The following AFF1 variants were observed in gnomAD, a reference collection of about 807,000 sequenced individuals.
AFF1 encodes ALF transcription elongation factor 1, also known as AF4/FMR2 family member 1.
In AFF1, 48 loss-of-function variants were observed where a neutral mutation model predicts 121.7. The observed-to-expected ratio is 0.39, with a 90% CI of 0.31 to 0.50. AFF1 has a LOEUF of 0.50. AFF1 is among the 20% of genes least tolerant of loss of function. AFF1 has a pLI of 0.76. For missense variants in AFF1, 1,523 were observed against 1,511.7 expected, an observed-to-expected ratio of 1.01 and a Z score of -0.12; for synonymous variants, 613 against 563.0, an observed-to-expected ratio of 1.09 and a Z score of -1.26.
chr4:87,076,906 G>GTGTCT (rs976403753), intron 4 of AFF1, among the ~76,000 whole-genome samples: 7 of 152,168 alleles, frequency 4.6e-5, no homozygotes, highest in African/African-American at 1.4e-4. Flanking sequence ...AATTTACTCT[G>GTGTCT]TGTCTATAGA....
chr4:87,108,355 G>C (rs1013145072), intron 11 of AFF1, 40 bp downstream of exon 11: 1 of 1,598,462 alleles, frequency 6.3e-7, no homozygotes, highest in Non-Finnish European at 8.5e-7. Context: ...TTAGATGGCA[G>C]CATTCTGTCC....
At position 87,105,571 on chromosome 4, in the gene AFF1, A is replaced by G. The variant is rs903237855; in HGVS notation, c.1284-57A>G. On this transcript the variant is annotated intron_variant, in intron 8 of 20. Coordinates refer to ENST00000395146, the MANE Select transcript of AFF1 (RefSeq NM_001166693.3). Reference sequence around the variant, plus strand: ...GGCATATTTTCTATTTACATGCTAGAAAAGTTGTTAGAAATCATTTCACAT... The same window carrying G: ...GGCATATTTTCTATTTACATGCTAGGAAAGTTGTTAGAAATCATTTCACAT... The G allele has an allele frequency of 1.9e-6, 3 of 1,598,092 alleles. No homozygotes were observed. The African/African-American group carries it at 4.0e-5, about 21-fold the overall frequency.
At chr4:87,015,073 A>G (rs1362111033) in intron 2 of AFF1, among the ~76,000 whole-genome samples, 1 of 152,146 alleles carries the variant, frequency 6.6e-6, no homozygotes, top group African/African-American at 2.4e-5. Flanking sequence ...AGAACGTGTT[A>G]TTGAGTTAAT....
At chr4:86,955,566 T>C (rs1721677104) in intron 2 of AFF1, among the ~76,000 whole-genome samples, 1 of 152,210 alleles carries the variant, frequency 6.6e-6, no homozygotes. Flanking sequence ...AATTACATTC[T>C]TCTGAAATTG....
intron 4 of AFF1, among the ~76,000 whole-genome samples, chr4:87,059,037 T>C (rs1720453981): frequency 6.6e-6 from 1 of 152,194 alleles, no homozygotes; most frequent in South Asian, 2.1e-4. Flanking sequence ...CTTAATCTCC[T>C]TTGGAGGCTG....
At chr4:86,986,016 C>G (rs1724230778) in intron 2 of AFF1, among the ~76,000 whole-genome samples, 2 of 146,122 alleles carry the variant, frequency 1.4e-5, no homozygotes, top group African/African-American at 2.5e-5. Context: ...CACCTGAATC[C>G]TTTTTTTAAA....
intron 16 of AFF1, among the ~76,000 whole-genome samples, chr4:87,129,927 C>T (rs1276318083): frequency 6.6e-6 from 1 of 152,124 alleles, no homozygotes; most frequent in East Asian, 1.9e-4. Context: ...GTCTCCAGCT[C>T]CTTGTATTCC....
intron 4 of AFF1, among the ~76,000 whole-genome samples, chr4:87,077,434 T>G (rs1722780566): frequency 6.6e-6 from 1 of 152,322 alleles, no homozygotes; most frequent in East Asian, 1.9e-4. Flanking sequence ...AATAGAAAAT[T>G]TAGCTGTACT....
At chr4:87,048,956 A>G (rs77100602) in intron 4 of AFF1, among the ~76,000 whole-genome samples, 2 of 152,082 alleles carry the variant, frequency 1.3e-5, no homozygotes, top group African/African-American at 4.8e-5. Flanking sequence ...TGAAGGCAAA[A>G]TAAAGTGAGA....
chr4:86,964,103 C>T (rs1231209381), intron 2 of AFF1, among the ~76,000 whole-genome samples: 1 of 150,788 alleles, frequency 6.6e-6, no homozygotes, highest in Non-Finnish European at 1.5e-5. Context: ...CAGGCATGAA[C>T]CACCATGCCT....
At chr4:87,085,434 T>C (rs752611216) in intron 5 of AFF1, among the ~76,000 whole-genome samples, 7 of 151,814 alleles carry the variant, frequency 4.6e-5, no homozygotes, top group African/African-American at 2.4e-5. Flanking sequence ...TCTGACTTTT[T>C]TCTTCTTTTT....
In AFF1 at chr4:87,013,032, CTT is replaced by C. The variant is rs61071328; in HGVS notation, c.39-33109_39-33108del. 3.2e-3 allele frequency among the ~76,000 whole-genome samples: 298 copies of C among 93,388 alleles called. 1 individual carries two copies. The highest frequency in any genetic ancestry group is 8.1e-3 in the South Asian group (17 of 2,106). 61.3% of individuals were successfully genotyped at this position (93,388 alleles called of 152,430 possible). A position where few individuals can be genotyped will look rare whatever the true frequency, so the allele number is the denominator to read the frequency against. Reference sequence around the variant, plus strand: ...AACCAGATTGAACTGCTATCAAGTTCTTTTTTTTTTTTTTTTTTTTTTTTTTG... The same window carrying C: ...AACCAGATTGAACTGCTATCAAGTTCTTTTTTTTTTTTTTTTTTTTTTTTG... On this transcript the variant is annotated intron_variant, in intron 2 of 20. Transcript: ENST00000395146.
At chr4:86,958,922 A>G (rs1050090170) in intron 2 of AFF1, among the ~76,000 whole-genome samples, 2 of 152,180 alleles carry the variant, frequency 1.3e-5, no homozygotes, top group African/African-American at 2.4e-5. Flanking sequence ...TTTGTTTCCT[A>G]TTAATGCGTT....
In AFF1 at chr4:87,133,711, C is replaced by T. The variant is rs143015104; in HGVS notation, c.3312-760C>T. Among the ~76,000 whole-genome samples, 36 of 152,320 alleles carry T rather than the reference C, an allele frequency of 2.4e-4. No individual in the cohort carries two copies. In the East Asian group the frequency reaches 6.9e-3, roughly 29 times the overall value. On this transcript the variant is annotated intron_variant, in intron 19 of 20. Coordinates refer to ENST00000395146, the MANE Select transcript of AFF1 (RefSeq NM_001166693.3). ...TGTACATTCTGCTAGGTCCGTGCAG[C>T]CCAAACGGCAGGTGTAACATCATGA...
At chr4:87,016,145 C>T (rs917833670) in intron 2 of AFF1, among the ~76,000 whole-genome samples, 2 of 151,956 alleles carry the variant, frequency 1.3e-5, no homozygotes, top group African/African-American at 2.4e-5. Flanking sequence ...CATGCCGTTG[C>T]ACTCCAGCCT....
At chr4:87,029,002 A>G (rs1204166678) in intron 2 of AFF1, among the ~76,000 whole-genome samples, 5 of 152,168 alleles carry the variant, frequency 3.3e-5, no homozygotes, top group African/African-American at 7.2e-5. Flanking sequence ...CCACAATGAG[A>G]GAAATCTGGG....
At chr4:86,936,585 T>A (rs1049773727) in intron 1 of AFF1, 25 of 152,302 alleles carry the variant, frequency 1.6e-4, no homozygotes, top group African/African-American at 5.8e-4. Flanking sequence ...TAGTTTTTTT[T>A]CTTTGGGGCC....
At chr4:86,986,213 A>C (rs970041984) in intron 2 of AFF1, among the ~76,000 whole-genome samples, 4 of 152,062 alleles carry the variant, frequency 2.6e-5, no homozygotes, top group Non-Finnish European at 4.4e-5. Context: ...CTGGGAGTAC[A>C]GGTGCCTGCC....
At chr4:87,064,477 C>T (rs932389983) in intron 4 of AFF1, among the ~76,000 whole-genome samples, 7 of 152,202 alleles carry the variant, frequency 4.6e-5, no homozygotes, top group African/African-American at 1.2e-4. Context: ...CACAGTGGCT[C>T]ACGCCTGTAA....
Sources: allele counts gnomAD v4.1 joint callset (sites outside exome capture counted in the v4.1 genomes callset), GRCh38; gene constraint gnomAD v4.1.1; transcripts MANE v1.5; gene names NCBI Gene and HGNC (gene_info 2026-07-23, HGNC 2026-07-21).